ADARB1: variants seen among roughly 807,000 people sequenced by gnomAD.
ADARB1 encodes adenosine deaminase RNA specific B1, also known as double-stranded RNA-specific editase 1.
Under a neutral mutation model 52.4 loss-of-function variants are expected in ADARB1, and 10 were observed. The observed-to-expected ratio is 0.19, with a 90% CI of 0.12 to 0.32. The LOEUF (loss-of-function observed/expected upper bound fraction) is 0.32. Among genes scored for constraint, ADARB1 ranks in the 10% least tolerant of loss-of-function variants. The pLI, the probability that ADARB1 is intolerant of heterozygous loss-of-function variation, is 1.00. For synonymous variants in ADARB1, 349 were observed against 371.1 expected (o/e 0.94, Z 0.68); for missense variants, 643 against 922.3 (o/e 0.70, Z 3.92).
chr21:45,190,617 A>G (rs2092254697), intron 8 of ADARB1, among the ~76,000 whole-genome samples: 2 of 138,158 alleles, frequency 1.4e-5, no homozygotes, highest in Admixed American at 1.5e-4. Flanking sequence ...TTCTTCACTA[A>G]CAAGCTGGCT....
Position 45,157,539 on chromosome 21 carries a change from G to T in ADARB1, c.-47-14071G>T, listed in dbSNP as rs2090727849. Among the ~76,000 whole-genome samples the T allele has an allele frequency of 6.6e-6, 1 of 152,072 alleles. No individual in the cohort carries two copies. The highest frequency in any genetic ancestry group is 1.5e-5 in the Non-Finnish European group (1 of 68,006). ...TGAAGGTTTGTGCTCTCGTGTGCCG[G>T]CTCTGACCTGTGATTTTGTTGCTGG... On this transcript the variant is annotated intron_variant, in intron 2 of 10. Transcript: ENST00000348831. This position sits in a 1 kb window ranked among gnomAD's most constrained non-coding sequence, Gnocchi z 4.1.
At chr21:45,086,556 G>A (rs1238342250) in intron 1 of ADARB1, among the ~76,000 whole-genome samples, 1 of 152,224 alleles carries the variant, frequency 6.6e-6, no homozygotes, top group Admixed American at 6.5e-5. Context: ...CATGTGCCTT[G>A]CAGATATTTC....
intron 8 of ADARB1, among the ~76,000 whole-genome samples, chr21:45,197,342 A>G (rs1411567452): frequency 6.6e-6 from 1 of 152,076 alleles, no homozygotes; most frequent in Non-Finnish European, 1.5e-5. Flanking sequence ...TCTACTAAAA[A>G]TACAAAAATT....
intron 1 of ADARB1, among the ~76,000 whole-genome samples, chr21:45,107,258 A>G (rs868771427): frequency 6.6e-6 from 1 of 152,242 alleles, no homozygotes; most frequent in Non-Finnish European, 1.5e-5. Context: ...GTTCTCGGTT[A>G]AGATGGCTTG....
intron 1 of ADARB1, among the ~76,000 whole-genome samples, chr21:45,079,987 G>A (rs2086091601): frequency 6.6e-6 from 1 of 152,212 alleles, no homozygotes; most frequent in Admixed American, 6.5e-5. Flanking sequence ...GACTCTGTTT[G>A]AAGAAGGAAG....
At chr21:45,163,722 G>A (rs541538984) in intron 2 of ADARB1, among the ~76,000 whole-genome samples, 30 of 152,328 alleles carry the variant, frequency 2.0e-4, no homozygotes, top group African/African-American at 6.5e-4. Flanking sequence ...TATGGGAGTC[G>A]GGTGTGGACG....
At chr21:45,193,232 G>A (rs1168362882) in intron 8 of ADARB1, among the ~76,000 whole-genome samples, 1 of 152,096 alleles carries the variant, frequency 6.6e-6, no homozygotes, top group Non-Finnish European at 1.5e-5. Flanking sequence ...ACCAAGTAGG[G>A]GCTATCCCAG....
intron 2 of ADARB1, chr21:45,152,604 T>C: frequency 2.4e-6 from 1 of 423,354 alleles, no homozygotes; most frequent in South Asian, 1.6e-5. Context: ...CATTGGCGTG[T>C]CTGCATGGCG....
intron 2 of ADARB1, among the ~76,000 whole-genome samples, chr21:45,151,673 A>G (rs2090298341): frequency 6.6e-6 from 1 of 152,280 alleles, no homozygotes; most frequent in Admixed American, 6.5e-5. Flanking sequence ...TTTTCTAGAC[A>G]AGAGGAGGCT....
At chr21:45,118,814 A>G (rs937334017) in intron 1 of ADARB1, among the ~76,000 whole-genome samples, 3 of 152,122 alleles carry the variant, frequency 2.0e-5, no homozygotes, top group African/African-American at 4.8e-5. Flanking sequence ...AGCGTTCCCT[A>G]TGGCTCCTGC....
intron 1 of ADARB1, among the ~76,000 whole-genome samples, chr21:45,099,589 C>A (rs1364255723): frequency 6.6e-6 from 1 of 152,072 alleles, no homozygotes; most frequent in African/African-American, 2.4e-5. Context: ...ATCACTTGAA[C>A]CTTGGGAGGG....
Position 45,171,644 on chromosome 21 carries a change from A to T in ADARB1, c.-13A>T. On this transcript the variant is annotated 5_prime_UTR_variant, in exon 3 of 11. Coordinates refer to ENST00000348831, the MANE Select transcript of ADARB1 (RefSeq NM_001112.4). ...GTCTCCGCCAGTCAAGAAACCCTCA[A>T]AAGTATTTTGCCATGGATATAGAAG... The T allele has an allele frequency of 6.2e-7, 1 of 1,613,926 alleles. No homozygotes were observed. The highest frequency in any genetic ancestry group is 1.3e-5 in the African/African-American group (1 of 75,016).
intron 1 of ADARB1, among the ~76,000 whole-genome samples, chr21:45,075,948 T>C (rs559588516): frequency 6.6e-6 from 1 of 152,346 alleles, no homozygotes; most frequent in South Asian, 2.1e-4. Context: ...AGAACCGTAG[T>C]TTTTTTAATT....
In ADARB1 at chr21:45,223,166, T is replaced by C. The variant is rs2092995191; in HGVS notation, c.*969T>C. 4.1e-6 allele frequency: 4 copies of C among 985,518 alleles called. No individual in the cohort carries two copies. Among genetic ancestry groups the C allele is most frequent in the Non-Finnish European group, 4.8e-6 (4 of 829,954 alleles). The allele number at this position is 985,518 out of a possible 1,614,324, so 61.0% of individuals were successfully genotyped here. ...GGATGTGGGTGACCGCCCGAAGGCC[T>C]TCACAGGATGGAAGTAGAATGATTT... On this transcript the variant is annotated 3_prime_UTR_variant, in exon 11 of 11. Transcript: ENST00000348831.
At chr21:45,217,498 T>C (rs9637192) in intron 9 of ADARB1, among the ~76,000 whole-genome samples, 80,257 of 151,910 alleles carry the variant, frequency 0.53, 21,374 homozygotes, top group South Asian at 0.59. Context: ...GTTTTTCCAT[T>C]CCCAACCTTT....
chr21:45,172,805 G>A lies in ADARB1; in HGVS notation c.28+1121G>A, dbSNP rs1238587914. Among the ~76,000 whole-genome samples, 2 of 152,192 alleles carry A rather than the reference G, an allele frequency of 1.3e-5. No individual in the cohort carries two copies. Among genetic ancestry groups the A allele is most frequent in the African/African-American group, 2.4e-5 (1 of 41,430 alleles). ...TCACCTCACTTCCGCTGTTGTGTGC[G>A]CAGCCCGTGCCTGCCTGCTGGTGAT... On this transcript the variant is annotated intron_variant, in intron 3 of 10. Transcript: ENST00000348831. The surrounding 1 kb of genome is among the most constrained non-coding windows in gnomAD (Gnocchi z 4.4).
At chr21:45,206,373 A>G (rs1041531438) in intron 9 of ADARB1, among the ~76,000 whole-genome samples, 2 of 152,240 alleles carry the variant, frequency 1.3e-5, no homozygotes, top group African/African-American at 4.8e-5. Flanking sequence ...TCATTTTGCT[A>G]AAGAAATTTT....
intron 2 of ADARB1, among the ~76,000 whole-genome samples, chr21:45,136,491 C>T (rs1299870123): frequency 4.6e-5 from 7 of 152,210 alleles, no homozygotes; most frequent in East Asian, 3.8e-4. Context: ...ATGTTTGCTA[C>T]GCCCGGCACC....
intron 9 of ADARB1, among the ~76,000 whole-genome samples, chr21:45,209,912 A>G (rs2092734399): frequency 6.6e-6 from 1 of 152,142 alleles, no homozygotes; most frequent in South Asian, 2.1e-4. Context: ...GCCTGTGACC[A>G]GTGTCTCTCC....
Sources: gnomAD v4.1 joint callset for allele counts (sites outside exome capture counted in the v4.1 genomes callset) on GRCh38, gnomAD v4.1.1 for gene constraint, Gnocchi (gnomAD v3.1) non-coding constraint, MANE v1.5 for transcripts, NCBI Gene and HGNC (gene_info 2026-07-23, HGNC 2026-07-21) for gene names.